The following RSPO2 variants were observed in gnomAD, a reference collection of about 807,000 sequenced individuals.
The protein encoded by RSPO2 is R-spondin 2.
In RSPO2, 14 loss-of-function variants were observed where a neutral mutation model predicts 30.9. That is an observed-to-expected ratio of 0.45 (90% CI 0.30 to 0.71). RSPO2 has a LOEUF of 0.71. RSPO2 is among the 30% of genes least tolerant of loss of function. RSPO2 has a pLI of 0.08. For missense variants in RSPO2, 264 were observed against 301.9 expected, an observed-to-expected ratio of 0.87 and a Z score of 0.93; for synonymous variants, 107 against 96.4, an observed-to-expected ratio of 1.11 and a Z score of -0.64.
intron 2 of RSPO2, among the ~76,000 whole-genome samples, chr8:108,016,390 G>T (rs141179224): frequency 2.0e-4 from 31 of 152,274 alleles, no homozygotes; most frequent in African/African-American, 7.5e-4. Context: ...AGGCTATAAA[G>T]CAGCCAGACT....
intron 4 of RSPO2, among the ~76,000 whole-genome samples, chr8:107,959,936 G>GA (rs1368226685): frequency 1.3e-5 from 2 of 152,058 alleles, no homozygotes; most frequent in Non-Finnish European, 2.9e-5. Context: ...CTAATACATA[G>GA]CTGTGTTGTA....
chr8:107,974,808 G>GA (rs1490873972), intron 3 of RSPO2, among the ~76,000 whole-genome samples: 3 of 151,302 alleles, frequency 2.0e-5, no homozygotes, highest in Non-Finnish European at 4.4e-5. Flanking sequence ...ACATCTACCT[G>GA]ACAAAGGTCA....
At chr8:107,953,435 T>C (rs1813318213) in intron 5 of RSPO2, among the ~76,000 whole-genome samples, 1 of 152,168 alleles carries the variant, frequency 6.6e-6, no homozygotes, top group African/African-American at 2.4e-5. Context: ...CTTTGGCCCT[T>C]ATGCAATGAC....
At chr8:107,925,071 G>A (rs1812315863) in intron 5 of RSPO2, among the ~76,000 whole-genome samples, 1 of 151,876 alleles carries the variant, frequency 6.6e-6, no homozygotes, top group Non-Finnish European at 1.5e-5. Context: ...TTATTCTTGA[G>A]TTATAAAGTT....
intron 5 of RSPO2, among the ~76,000 whole-genome samples, chr8:107,927,894 A>G (rs959245103): frequency 6.6e-6 from 1 of 152,094 alleles, no homozygotes; most frequent in Non-Finnish European, 1.5e-5. Flanking sequence ...TGTGCAACTA[A>G]GGTTTATATA....
intron 2 of RSPO2, among the ~76,000 whole-genome samples, chr8:108,077,753 A>G (rs1320938313): frequency 6.6e-6 from 1 of 152,230 alleles, no homozygotes; most frequent in Non-Finnish European, 1.5e-5. Flanking sequence ...ATGAAAATGT[A>G]TAAATATAGA....
At chr8:107,988,465 C>G (rs1814727826) in intron 3 of RSPO2, among the ~76,000 whole-genome samples, 1 of 150,448 alleles carries the variant, frequency 6.6e-6, no homozygotes. Context: ...GTACTCGTTA[C>G]AAAAATCTGT....
intron 2 of RSPO2, among the ~76,000 whole-genome samples, chr8:108,034,700 T>C (rs993718153): frequency 6.6e-6 from 1 of 152,198 alleles, no homozygotes; most frequent in Non-Finnish European, 1.5e-5. Context: ...AGCCAAGAAG[T>C]TGTGAGTCCA....
intron 3 of RSPO2, among the ~76,000 whole-genome samples, chr8:107,969,753 A>G (rs1213931903): frequency 1.3e-5 from 2 of 152,212 alleles, no homozygotes; most frequent in East Asian, 3.8e-4. Context: ...TAGTAATGAA[A>G]AGTTTCAAAA....
intron 5 of RSPO2, among the ~76,000 whole-genome samples, chr8:107,919,395 AAGAC>A (rs1300046528): frequency 6.6e-6 from 1 of 152,178 alleles, no homozygotes; most frequent in African/African-American, 2.4e-5. Flanking sequence ...GTTTAAAACA[AAGAC>A]GATAATAGCC....
chr8:108,035,293 C>A (rs909619947), intron 2 of RSPO2, among the ~76,000 whole-genome samples: 4 of 152,172 alleles, frequency 2.6e-5, no homozygotes, highest in Non-Finnish European at 5.9e-5. Flanking sequence ...TCCTACTGTG[C>A]GTCAACTCTT....
chr8:108,011,087 C>G (rs1181174590), intron 2 of RSPO2, among the ~76,000 whole-genome samples: 1 of 137,478 alleles, frequency 7.3e-6, no homozygotes, highest in East Asian at 2.1e-4. Flanking sequence ...AAACCGAGAT[C>G]GCGCCATTGC....
In RSPO2 at chr8:108,014,825, C is replaced by T. The variant is rs189438811; in HGVS notation, c.95-25581G>A. Among the ~76,000 whole-genome samples the T allele has an allele frequency of 3.0e-4, 44 of 149,024 alleles. No homozygotes were observed. In the East Asian group the frequency reaches 5.7e-3, roughly 19 times the overall value. On this transcript the variant is annotated intron_variant, in intron 2 of 5. Coordinates refer to ENST00000276659, the MANE Select transcript of RSPO2 (RefSeq NM_178565.5). ...AAACCTGCATGTTCTGCCCATGTGT[C>T]CCAGAACTTAAAGTATAATAAAAAA...
intron 3 of RSPO2, among the ~76,000 whole-genome samples, chr8:107,985,830 T>C (rs77687279): frequency 2.6e-5 from 4 of 152,202 alleles, no homozygotes; most frequent in African/African-American, 9.6e-5. Flanking sequence ...ATTACTCAGA[T>C]AGTTGTTGGA....
chr8:107,913,324 G>A (rs1433494843), intron 5 of RSPO2, among the ~76,000 whole-genome samples: 2 of 152,228 alleles, frequency 1.3e-5, no homozygotes, highest in Middle Eastern at 3.4e-3. Context: ...CCATGAACTG[G>A]TCATTCCTTT....
At chr8:108,033,546 A>G (rs1811496994) in intron 2 of RSPO2, among the ~76,000 whole-genome samples, 1 of 152,216 alleles carries the variant, frequency 6.6e-6, no homozygotes, top group Admixed American at 6.5e-5. Flanking sequence ...GAATAAAAAT[A>G]TTCAATTACC....
intron 3 of RSPO2, among the ~76,000 whole-genome samples, chr8:107,962,822 G>C (rs1225969690): frequency 6.6e-6 from 1 of 151,832 alleles, no homozygotes; most frequent in East Asian, 1.9e-4. Context: ...AAGAGAAAAA[G>C]AGGACTTTAC....
intron 3 of RSPO2, among the ~76,000 whole-genome samples, chr8:107,979,041 G>C (rs1321274563): frequency 2.6e-5 from 4 of 152,188 alleles, no homozygotes; most frequent in Non-Finnish European, 5.9e-5. Flanking sequence ...ACAGGTGCTG[G>C]AGAGGATGTG....
intron 5 of RSPO2, among the ~76,000 whole-genome samples, chr8:107,937,263 T>C (rs188378840): frequency 6.6e-6 from 1 of 151,972 alleles, no homozygotes; most frequent in Admixed American, 6.6e-5. Context: ...CTCTCCCCAG[T>C]GTATGTTGTT....
Sources: gnomAD v4.1 joint callset for allele counts (sites outside exome capture counted in the v4.1 genomes callset) on GRCh38, gnomAD v4.1.1 for gene constraint, MANE v1.5 for transcripts, NCBI Gene and HGNC (gene_info 2026-07-23, HGNC 2026-07-21) for gene names.